COL4A1: variants seen among roughly 807,000 people sequenced by gnomAD.
COL4A1 encodes collagen type IV alpha 1 chain.
Under a neutral mutation model 216.6 loss-of-function variants are expected in COL4A1, and 40 were observed. The observed-to-expected ratio is 0.18, with a 90% CI of 0.14 to 0.24. COL4A1 has a LOEUF of 0.24. COL4A1 is among the 10% of genes least tolerant of loss of function. The pLI is 1.00. For synonymous variants in COL4A1, 839 were observed against 810.7 expected (o/e 1.03, Z -0.59); for missense variants, 1,628 against 2,196.8 (o/e 0.74, Z 5.18).
Position 110,179,414 on chromosome 13 carries a change from G to A in COL4A1, c.2201C>T (p.Pro734Leu). Reference protein sequence around the residue: ...NPGVQGQKGEPGVGLPGLKGL... With the variant: ...NPGVQGQKGELGVGLPGLKGL... ...TTTGAGTCCCGGTAGACCAACTCCA[G>A]GCTCTCCCTGAAAATCCCCAAAGCA... The change falls in exon 30 of 52, where the codon CCT (proline) becomes CTT (leucine). Residue 734 changes from proline (P) to leucine (L), a missense_variant. Around this residue, in one of 8 missense-constraint regions of COL4A1, gnomAD observed 701 missense variants for 892.5 expected, o/e 0.79. Transcript: ENST00000375820. 6.2e-7 allele frequency: 1 copy of A among 1,614,086 alleles called. No homozygotes were observed. Among genetic ancestry groups the A allele is most frequent in the Non-Finnish European group, 8.5e-7 (1 of 1,180,022 alleles).
At chr13:110,172,068 C>T (rs1324685350) in intron 41 of COL4A1, among the ~76,000 whole-genome samples, 1 of 152,240 alleles carries the variant, frequency 6.6e-6, no homozygotes, top group Non-Finnish European at 1.5e-5. Flanking sequence ...CCTTCCAGGG[C>T]TTTCTGAATC....
rs73611465 is a variant in COL4A1 at position 110,203,616 on chromosome 13, G to A, written c.958-9C>T. 6,157 of 1,613,768 alleles carry A rather than the reference G, an allele frequency of 3.8e-3. 171 individuals carry two copies. The African/African-American group carries it at 0.075, about 20-fold the overall frequency. ...GCTTCACCCTTTTCTCCCTACAAAA[G>A]AAAAAATAACTTTCCTTGCATATTC... is the stretch of plus-strand genomic sequence containing the variant. On this transcript the variant is annotated splice_polypyrimidine_tract_variant and intron_variant, in intron 17 of 51. Coordinates refer to ENST00000375820, the MANE Select transcript of COL4A1 (RefSeq NM_001845.6).
In COL4A1 at chr13:110,273,711, C is replaced by T. The variant is rs566866817; in HGVS notation, c.85-30977G>A. Among the ~76,000 whole-genome samples the T allele has an allele frequency of 2.6e-5, 4 of 152,286 alleles. No individual in the cohort carries two copies. In the South Asian group the frequency reaches 8.3e-4, roughly 32 times the overall value. On this transcript the variant is annotated intron_variant, in intron 1 of 51. Coordinates refer to ENST00000375820, the MANE Select transcript of COL4A1 (RefSeq NM_001845.6). Reference sequence around the variant, plus strand: ...TGGGTATAAAGTCTGGAAAACTCACCCTCTAATTCTGAGGTTAGAAGGGTC... The same window carrying T: ...TGGGTATAAAGTCTGGAAAACTCACTCTCTAATTCTGAGGTTAGAAGGGTC...
Position 110,192,883 on chromosome 13 carries a change from T to C in COL4A1, c.1412A>G (p.Asp471Gly), listed in dbSNP as rs753632629. 3.1e-6 allele frequency: 5 copies of C among 1,614,140 alleles called. No homozygotes were observed. Among genetic ancestry groups the C allele is most frequent in the Non-Finnish European group, 4.2e-6 (5 of 1,180,000 alleles). ...GGGAGGCCCCCGATATCCGTCTATA[T>C]CACAGATGAGGCAACTCTCTCCTTT... ...GQKGESCLICDIDGYRGPPGP... is the reference protein window; with the variant it reads ...GQKGESCLICGIDGYRGPPGP... Residue 471 changes from aspartate to glycine, a missense_variant, in exon 23 of 52, where the codon GAT becomes GGT. By Grantham distance (94) the Asp-to-Gly change is moderately conservative. This residue lies in a region of COL4A1 where 701 missense variants were observed against 892.5 expected (regional missense o/e 0.79). Coordinates refer to ENST00000375820, the MANE Select transcript of COL4A1 (RefSeq NM_001845.6).
rs150182714 is a variant in COL4A1 at position 110,203,571 on chromosome 13, C to T, written c.994G>A (p.Gly332Arg). Residue 332 changes from glycine (G) to arginine (R), a missense_variant, in exon 18 of 52, where the codon GGA becomes AGA. Around this residue, in one of 8 missense-constraint regions of COL4A1, gnomAD observed 701 missense variants for 892.5 expected, o/e 0.79. Coordinates refer to ENST00000375820, the MANE Select transcript of COL4A1 (RefSeq NM_001845.6). ...GGGACAGCACTCTTACTCACAATTC[C>T]AGGTGGGCCAGGAGGACCTGCTTCA... is the stretch of plus-strand genomic sequence containing the variant. ...KGEAGPPGPP[G>R]IVIGTGPLGE... 6 of 1,613,870 alleles carry T rather than the reference C, an allele frequency of 3.7e-6. No homozygotes were observed. Among genetic ancestry groups the T allele is most frequent in the Non-Finnish European group, 5.1e-6 (6 of 1,180,034 alleles).
At chr13:110,276,863 C>G (rs1532323) in intron 1 of COL4A1, among the ~76,000 whole-genome samples, 1 of 152,134 alleles carries the variant, frequency 6.6e-6, no homozygotes, top group African/African-American at 2.4e-5. Flanking sequence ...AGGCCAGATT[C>G]GGGCCACAGA....
At chr13:110,234,068 A>G (rs962816795) in intron 2 of COL4A1, among the ~76,000 whole-genome samples, 11 of 152,212 alleles carry the variant, frequency 7.2e-5, no homozygotes, top group African/African-American at 1.9e-4. Flanking sequence ...CATGACACGC[A>G]TATGTCCCTA....
intron 2 of COL4A1, among the ~76,000 whole-genome samples, 186 bp downstream of exon 2, chr13:110,242,489 T>C (rs1386607953): frequency 6.6e-6 from 1 of 152,220 alleles, no homozygotes; most frequent in African/African-American, 2.4e-5. Context: ...AGAAGAGCTA[T>C]TATAATAATA....
At chr13:110,171,431 T>C (rs947156873) in intron 41 of COL4A1, among the ~76,000 whole-genome samples, 18 of 152,302 alleles carry the variant, frequency 1.2e-4, no homozygotes, top group Admixed American at 3.3e-4. Context: ...CTTATCAAAT[T>C]GTCCACTTTA....
chr13:110,150,251 G>C lies in COL4A1; in HGVS notation c.*112C>G, dbSNP rs184801410. On this transcript the variant is annotated 3_prime_UTR_variant, in exon 52 of 52. Coordinates refer to ENST00000375820, the MANE Select transcript of COL4A1 (RefSeq NM_001845.6). ...CGCAAATTCCTATAAGGCACTTTACGGTTTTCATATTGGACAGTGAGGTAC... is the reference window on the plus strand; with the variant it reads ...CGCAAATTCCTATAAGGCACTTTACCGTTTTCATATTGGACAGTGAGGTAC... The C allele has an allele frequency of 9.7e-7, 1 of 1,028,840 alleles. No individual in the cohort carries two copies. Among genetic ancestry groups the C allele is most frequent in the Non-Finnish European group, 1.5e-6 (1 of 679,138 alleles). The allele number at this position is 1,028,840 out of a possible 1,614,324, so 63.7% of individuals were successfully genotyped here.
intron 43 of COL4A1, 62 bp downstream of exon 43, chr13:110,169,567 A>G (rs1877510575): frequency 1.2e-6 from 2 of 1,608,588 alleles, no homozygotes; most frequent in Admixed American, 3.3e-5. Context: ...ATAGACACAT[A>G]TGAATACTTC....
At chr13:110,206,566 C>G in intron 15 of COL4A1, 99 bp downstream of exon 15, 1 of 1,333,410 alleles carries the variant, frequency 7.5e-7, no homozygotes, top group Non-Finnish European at 1.1e-6. Context: ...AACTAGAAGT[C>G]CCTACGAGCC....
At chr13:110,289,668 T>A (rs146024226) in intron 1 of COL4A1, among the ~76,000 whole-genome samples, 19 of 152,220 alleles carry the variant, frequency 1.2e-4, no homozygotes, top group Non-Finnish European at 4.4e-5. Context: ...AATTACGCTA[T>A]CTGTATTTTG....
rs1362450498 is a variant in COL4A1 at position 110,183,296 on chromosome 13, A to G, written c.1898-20T>C. 1 of 1,606,264 alleles carries G rather than the reference A, an allele frequency of 6.2e-7. No individual in the cohort carries two copies. Among genetic ancestry groups the G allele is most frequent in the Non-Finnish European group, 8.5e-7 (1 of 1,175,522 alleles). ...TTGGACCTAGAGGAAAAAAAGAGCA[A>G]AGACAAACGATGAAGGAATGAGGAC... is the stretch of plus-strand genomic sequence containing the variant. On this transcript the variant is annotated intron_variant, in intron 26 of 51. Coordinates refer to ENST00000375820, the MANE Select transcript of COL4A1 (RefSeq NM_001845.6).
chr13:110,220,887 AC>A (rs1880447840), intron 2 of COL4A1, among the ~76,000 whole-genome samples: 1 of 152,208 alleles, frequency 6.6e-6, no homozygotes. Flanking sequence ...CTGGACTACA[AC>A]TTTTATACTG....
At position 110,271,399 on chromosome 13, in the gene COL4A1, G is replaced by A. The variant is rs568055268; in HGVS notation, c.85-28665C>T. 4.6e-5 allele frequency among the ~76,000 whole-genome samples: 7 copies of A among 152,310 alleles called. No individual in the cohort carries two copies. The South Asian group carries it at 1.5e-3, about 32-fold the overall frequency. ...TGGAGAGACCTGGTAGGCACCACCT[G>A]AGCCAACCCTCAGAGTCCCATCATC... is the stretch of plus-strand genomic sequence containing the variant. On this transcript the variant is annotated intron_variant, in intron 1 of 51. Coordinates refer to ENST00000375820, the MANE Select transcript of COL4A1 (RefSeq NM_001845.6).
In COL4A1 at chr13:110,268,306, C is replaced by T. The variant is rs971325152; in HGVS notation, c.85-25572G>A. On this transcript the variant is annotated intron_variant, in intron 1 of 51. Transcript: ENST00000375820. This position sits in a 1 kb window ranked among gnomAD's most constrained non-coding sequence, Gnocchi z 4.1. ...CTGTGATGAGCACTCTGATGCCTGT[C>T]GTGCCAGGCTCAGGAGCTTGGACCT... Among the ~76,000 whole-genome samples the T allele has an allele frequency of 8.7e-5, 13 of 149,664 alleles. No homozygotes were observed. The highest frequency in any genetic ancestry group is 1.9e-4 in the Non-Finnish European group (13 of 67,454).
chr13:110,302,293 C>T (rs906784467), intron 1 of COL4A1, among the ~76,000 whole-genome samples: 4 of 152,182 alleles, frequency 2.6e-5, no homozygotes, highest in African/African-American at 7.2e-5. Context: ...AAAATGAGTT[C>T]AGTCCTGAAC....
chr13:110,215,193 T>C, intron 2 of COL4A1, among the ~76,000 whole-genome samples: 1 of 152,164 alleles, frequency 6.6e-6, no homozygotes, highest in South Asian at 2.1e-4. Context: ...GTGCACCTCA[T>C]GCAAGATGCT....
Sources: gnomAD v4.1 joint callset for allele counts (sites outside exome capture counted in the v4.1 genomes callset) on GRCh38, gnomAD v4.1.1 for gene constraint, gnomAD v4.1.1 regional missense constraint, Gnocchi (gnomAD v3.1) non-coding constraint, MANE v1.5 for transcripts, NCBI Gene and HGNC (gene_info 2026-07-23, HGNC 2026-07-21) for gene names.